VWCE: variants seen among roughly 807,000 people sequenced by gnomAD.
VWCE encodes von Willebrand factor C and EGF domain-containing protein.
A neutral mutation model predicts 102.9 loss-of-function variants in VWCE; 68 were observed. The ratio of observed to expected loss-of-function variants is 0.66; its 90% CI spans 0.54 to 0.81. The LOEUF is 0.81. Ranked by LOEUF, VWCE falls within the 30% of genes least tolerant of loss-of-function variation. The probability of loss-of-function intolerance (pLI) is 0.00; values close to 1 mark genes in which losing one functional copy is unlikely to be tolerated. For missense variants in VWCE, 1,137 were observed against 1,263.6 expected (o/e 0.90, Z 1.52); for synonymous variants, 497 against 515.4 (o/e 0.96, Z 0.48).
intron 9 of VWCE, among the ~76,000 whole-genome samples, chr11:61,279,252 C>T (rs1855037121): frequency 1.3e-5 from 2 of 152,012 alleles, no homozygotes; most frequent in East Asian, 1.9e-4. Context: ...CAGCGTGTTG[C>T]GGGGACATAG....
intron 12 of VWCE, among the ~76,000 whole-genome samples, chr11:61,274,068 G>T (rs528131292): frequency 6.6e-6 from 1 of 152,210 alleles, no homozygotes; most frequent in East Asian, 1.9e-4. Context: ...CATGCTCCAG[G>T]CAGAACGGCC....
rs972536132 is a variant in VWCE, at chr11:61,286,255, G to A, written c.541+59C>T. On this transcript the variant is annotated intron_variant, in intron 5 of 19. Transcript: ENST00000335613. Reference sequence around the variant, plus strand: ...TGCACTGGGCATGGCAGGGCTGAGTGTTCAATGTGGCATCCCCATTACCCC... The same window carrying A: ...TGCACTGGGCATGGCAGGGCTGAGTATTCAATGTGGCATCCCCATTACCCC... 4.4e-5 allele frequency: 67 copies of A among 1,515,644 alleles called. 1 individual carries two copies. In the South Asian group the frequency reaches 7.5e-4, roughly 17 times the overall value. The allele number at this position is 1,515,644 out of a possible 1,614,324, so 93.9% of individuals were successfully genotyped here. A position where few individuals can be genotyped will look rare whatever the true frequency, so the allele number is the denominator to read the frequency against.
At chr11:61,281,762 G>A in intron 7 of VWCE, 24 bp downstream of exon 7, 4 of 1,595,362 alleles carry the variant, frequency 2.5e-6, no homozygotes, top group South Asian at 2.2e-5. Context: ...GCCAGCCGCC[G>A]GGATGGAGGG....
At position 61,282,925 on chromosome 11, in the gene VWCE, G is replaced by T; in HGVS notation, c.542-20C>A. The T allele has an allele frequency of 6.3e-7, 1 of 1,597,276 alleles. No individual in the cohort carries two copies. The highest frequency in any genetic ancestry group is 8.6e-7 in the Non-Finnish European group (1 of 1,164,646). ...CAGTGTCTGGCAGGAAAAGGGACAAGACTGGGGTTCATTTCCCCAACAGAA... is the reference window on the plus strand; with the variant it reads ...CAGTGTCTGGCAGGAAAAGGGACAATACTGGGGTTCATTTCCCCAACAGAA... On this transcript the variant is annotated intron_variant, in intron 5 of 19. Coordinates refer to ENST00000335613, the MANE Select transcript of VWCE (RefSeq NM_152718.2).
intron 15 of VWCE, among the ~76,000 whole-genome samples, chr11:61,268,479 G>A (rs1323626966): frequency 2.0e-5 from 3 of 152,142 alleles, no homozygotes; most frequent in Admixed American, 6.6e-5. Context: ...ACTTGAACCC[G>A]GGAGGTGGAG....
chr11:61,287,344 A>C (rs1355199205), intron 4 of VWCE, among the ~76,000 whole-genome samples: 5 of 152,202 alleles, frequency 3.3e-5, no homozygotes, highest in Admixed American at 3.3e-4. Flanking sequence ...TGAAGATCAG[A>C]TGACGAGAGA....
chr11:61,276,628 G>T lies in VWCE; in HGVS notation c.1460C>A (p.Thr487Asn), dbSNP rs763939813. 6.2e-7 allele frequency: 1 copy of T among 1,607,156 alleles called. No individual in the cohort carries two copies. Among genetic ancestry groups the T allele is most frequent in the Non-Finnish European group, 8.5e-7 (1 of 1,176,684 alleles). Residue 487 changes from threonine to asparagine, a missense_variant, in exon 11 of 20, where the codon ACC becomes AAC. Around this residue, in one of 5 missense-constraint regions of VWCE, gnomAD observed 212 missense variants for 235.1 expected, o/e 0.90. Transcript: ENST00000335613. Reference protein sequence around the residue: ...SPECPSGPCQTPPQTDCCTCV... With the variant: ...SPECPSGPCQNPPQTDCCTCV... Reference sequence around the variant, plus strand: ...AGTACAGCAATCCGTCTGTGGGGGGGTCTGACAGGGGCCAGAAGGACACTC... The same window carrying T: ...AGTACAGCAATCCGTCTGTGGGGGGTTCTGACAGGGGCCAGAAGGACACTC...
At chr11:61,265,653 C>T (rs1002914343) in intron 16 of VWCE, among the ~76,000 whole-genome samples, 2 of 152,218 alleles carry the variant, frequency 1.3e-5, no homozygotes, top group African/African-American at 4.8e-5. Context: ...CACGCATGTA[C>T]TCTGCTGAGG....
chr11:61,291,816 C>T (rs1018629093), intron 1 of VWCE, among the ~76,000 whole-genome samples: 2 of 152,220 alleles, frequency 1.3e-5, no homozygotes, highest in Non-Finnish European at 2.9e-5. Context: ...CGTGAACACA[C>T]AGCAGAGTGG....
At chr11:61,284,996 C>T (rs2134831163) in intron 5 of VWCE, among the ~76,000 whole-genome samples, 1 of 151,960 alleles carries the variant, frequency 6.6e-6, no homozygotes, top group Non-Finnish European at 1.5e-5. Context: ...GCTCTCTCTC[C>T]AAGTGAGGAC....
rs1854253859 is a variant in VWCE at position 61,258,619 on chromosome 11, C to T, written c.*56G>A. 6.7e-6 allele frequency: 9 copies of T among 1,337,596 alleles called. No individual in the cohort carries two copies. Among genetic ancestry groups the T allele is most frequent in the South Asian group, 2.9e-5 (1 of 34,924 alleles). The allele number at this position is 1,337,596 out of a possible 1,614,324, so 82.9% of individuals were successfully genotyped here. ...CATCCTTGGAGCTGCCCTGCACACA[C>T]CCTGGGCCACTGGCAGAGGTCCTCT... On this transcript the variant is annotated 3_prime_UTR_variant, in exon 20 of 20. Transcript: ENST00000335613.
Position 61,273,290 on chromosome 11 carries a change from C to T in VWCE, c.1608G>A (p.Met536Ile). Residue 536 changes from methionine (M) to isoleucine (I), a missense_variant, in exon 13 of 20, where the codon ATG becomes ATA. By Grantham distance (10) the Met-to-Ile change is conservative. Transcript: ENST00000335613. ...CQNGEVECSF[M>I]PCPELACPRE... Reference sequence around the variant, plus strand: ...GGGGGCAGGCCAGCTCAGGGCAGGGCATGAAGGAGCACTCCACCTCCCCAT... The same window carrying T: ...GGGGGCAGGCCAGCTCAGGGCAGGGTATGAAGGAGCACTCCACCTCCCCAT... 2 of 1,613,072 alleles carry T rather than the reference C, an allele frequency of 1.2e-6. No individual in the cohort carries two copies. The highest frequency in any genetic ancestry group is 3.3e-5 in the Admixed American group (2 of 59,828).
chr11:61,286,238 G>T, intron 5 of VWCE, 76 bp downstream of exon 5: 1 of 1,380,926 alleles, frequency 7.2e-7, no homozygotes, highest in Non-Finnish European at 1.0e-6. Flanking sequence ...ACTGCACTGG[G>T]CATGGCAGGG....
At chr11:61,263,670 A>G (rs184310640) in intron 19 of VWCE, among the ~76,000 whole-genome samples, 95 of 152,284 alleles carry the variant, frequency 6.2e-4, no homozygotes, top group African/African-American at 2.1e-3. Flanking sequence ...CATCGACTCC[A>G]GTCTGAAACC....
chr11:61,274,461 A>T, intron 12 of VWCE, 38 bp downstream of exon 12: 1 of 1,599,400 alleles, frequency 6.3e-7, no homozygotes, highest in Non-Finnish European at 8.5e-7. Flanking sequence ...TCCCCTCTCC[A>T]TCAATTCCAC....
In VWCE at chr11:61,280,670, G is replaced by C; in HGVS notation, c.1278C>G (p.Ser426=). 6.2e-7 allele frequency: 1 copy of C among 1,614,036 alleles called. No individual in the cohort carries two copies. The highest frequency in any genetic ancestry group is 1.1e-5 in the South Asian group (1 of 91,066). Residue 426 remains serine, a synonymous_variant, in exon 9 of 20, where the codon TCC becomes TCG. Transcript: ENST00000335613. ...CACCATCTCTGGAGGGAATTGGGTG[G>C]GAACAAGCAGCTTCACACCTCACCT... The part of the protein sequence containing the change: ...CEKVRCEAAC[S]HPIPSRDGGC...
Position 61,259,010 on chromosome 11 carries a change from A to G in VWCE, c.2533T>C (p.Ser845Pro). 2 of 1,613,496 alleles carry G rather than the reference A, an allele frequency of 1.2e-6. No homozygotes were observed. The highest frequency in any genetic ancestry group is 1.7e-6 in the Non-Finnish European group (2 of 1,179,724). The change falls in exon 20 of 20, where the codon TCA (serine) becomes CCA (proline). Residue 845 changes from serine (S) to proline (P), a missense_variant. Ser to Pro is a moderately conservative substitution (Grantham distance 74). Around this residue, in one of 5 missense-constraint regions of VWCE, gnomAD observed 316 missense variants for 319.3 expected, o/e 0.99. Coordinates refer to ENST00000335613, the MANE Select transcript of VWCE (RefSeq NM_152718.2). Reference protein sequence around the residue: ...PGEPGASPRLSPGPSTPPGAP... With the variant: ...PGEPGASPRLPPGPSTPPGAP... ...CCTGGAGGGGTCGAAGGCCCTGGTG[A>G]GAGTCGAGGGGAGGCCCCAGGCTCC...
At chr11:61,275,480 A>C (rs1854874714) in intron 11 of VWCE, among the ~76,000 whole-genome samples, 1 of 152,100 alleles carries the variant, frequency 6.6e-6, no homozygotes, top group South Asian at 2.1e-4. Flanking sequence ...ATGCAAAAGT[A>C]AGTCAATTAA....
chr11:61,263,508 A>G (rs895366438), intron 19 of VWCE, among the ~76,000 whole-genome samples: 2 of 152,152 alleles, frequency 1.3e-5, no homozygotes, highest in African/African-American at 4.8e-5. Flanking sequence ...GAATGGGGAG[A>G]TGATTGTCAA....
Sources: gnomAD v4.1 joint callset for allele counts (sites outside exome capture counted in the v4.1 genomes callset) on GRCh38, gnomAD v4.1.1 for gene constraint, gnomAD v4.1.1 regional missense constraint, MANE v1.5 for transcripts, NCBI Gene and HGNC (gene_info 2026-07-23, HGNC 2026-07-21) for gene names.